The following TBCA variants were observed in gnomAD, a reference collection of about 807,000 sequenced individuals.
TBCA encodes tubulin-specific chaperone A.
In TBCA, 6 loss-of-function variants were observed where a neutral mutation model predicts 15.8. That is an observed-to-expected ratio of 0.38 (90% CI 0.21 to 0.75). The LOEUF is 0.75. TBCA is among the 30% of genes least tolerant of loss of function. The pLI, the probability that TBCA is intolerant of heterozygous loss-of-function variation, is 0.46. For missense variants in TBCA, 90 were observed against 131.2 expected (o/e 0.69, Z 1.53); for synonymous variants, 32 against 42.3 (o/e 0.76, Z 0.94).
At chr5:77,728,769 G>A (rs1322973512) in intron 1 of TBCA, among the ~76,000 whole-genome samples, 1 of 152,030 alleles carries the variant, frequency 6.6e-6, no homozygotes, top group Admixed American at 6.5e-5. Flanking sequence ...ACGTCAGGTT[G>A]GAACATAACC....
At chr5:77,720,697 G>C (rs1394085244) in intron 1 of TBCA, among the ~76,000 whole-genome samples, 1 of 152,158 alleles carries the variant, frequency 6.6e-6, no homozygotes, top group Non-Finnish European at 1.5e-5. Flanking sequence ...CTGGGTCAGA[G>C]AGTGAGACTC....
chr5:77,773,050 C>T (rs2112523259), intron 1 of TBCA, among the ~76,000 whole-genome samples: 1 of 152,296 alleles, frequency 6.6e-6, no homozygotes, highest in African/African-American at 2.4e-5. Flanking sequence ...CTACAGCACT[C>T]TGCAACACAC....
intron 1 of TBCA, 94 bp from the exon 2 acceptor site, chr5:77,708,441 T>A (rs1746199163): frequency 1.4e-6 from 1 of 715,664 alleles, no homozygotes; most frequent in African/African-American, 1.8e-5. Context: ...ATATTTAAAA[T>A]ACCAAAGTAG....
chr5:77,749,680 A>T (rs760443417), intron 1 of TBCA, among the ~76,000 whole-genome samples: 6 of 152,348 alleles, frequency 3.9e-5, no homozygotes, highest in Admixed American at 2.0e-4. Flanking sequence ...AAACACACAT[A>T]GTACCCTTTA....
intron 3 of TBCA, chr5:77,692,490 G>T: frequency 1.1e-6 from 1 of 931,304 alleles, no homozygotes; most frequent in East Asian, 1.2e-4. Flanking sequence ...ATTTCACCAT[G>T]TTGGTCAGGC....
intron 1 of TBCA, among the ~76,000 whole-genome samples, chr5:77,734,867 A>G (rs1332034240): frequency 6.6e-6 from 1 of 152,184 alleles, no homozygotes; most frequent in Non-Finnish European, 1.5e-5. Context: ...TTCAGCAACC[A>G]CCATCCTAAT....
chr5:77,714,090 G>A (rs1241407004), intron 1 of TBCA, among the ~76,000 whole-genome samples: 1 of 151,666 alleles, frequency 6.6e-6, no homozygotes, highest in African/African-American at 2.4e-5. Context: ...GGAGGTCAAG[G>A]TGGGAGGATC....
chr5:77,724,267 G>A (rs1746584432), intron 1 of TBCA, among the ~76,000 whole-genome samples: 2 of 151,976 alleles, frequency 1.3e-5, no homozygotes, highest in Non-Finnish European at 2.9e-5. Flanking sequence ...TAGAAAGGAT[G>A]ATCTACTCTC....
intron 1 of TBCA, among the ~76,000 whole-genome samples, chr5:77,720,458 A>G (rs997534557): frequency 6.6e-6 from 1 of 152,204 alleles, no homozygotes; most frequent in Non-Finnish European, 1.5e-5. Context: ...TCTCGCCTGT[A>G]ATCCCAGCAC....
At chr5:77,711,798 CA>C (rs1178885891) in intron 1 of TBCA, among the ~76,000 whole-genome samples, 1 of 152,080 alleles carries the variant, frequency 6.6e-6, no homozygotes, top group Non-Finnish European at 1.5e-5. Context: ...ATGGCTCCAG[CA>C]ACATTAAAGA....
chr5:77,728,094 C>T (rs772223820), intron 1 of TBCA, among the ~76,000 whole-genome samples: 13 of 151,966 alleles, frequency 8.6e-5, no homozygotes, highest in Non-Finnish European at 1.9e-4. Flanking sequence ...CTACCAAGAC[C>T]GTATTTCTAG....
At chr5:77,766,147 A>AATC (rs1317512317) in intron 1 of TBCA, among the ~76,000 whole-genome samples, 1 of 152,138 alleles carries the variant, frequency 6.6e-6, no homozygotes, top group East Asian at 1.9e-4. Context: ...TAATAATAAT[A>AATC]ATAACCTGGA....
chr5:77,765,444 GA>G (rs1345901873), intron 1 of TBCA, among the ~76,000 whole-genome samples: 9 of 152,148 alleles, frequency 5.9e-5, no homozygotes, highest in Admixed American at 5.9e-4. Flanking sequence ...TGGGAACACA[GA>G]AAAGGGGGCA....
chr5:77,704,442 G>A (rs1006361823), intron 2 of TBCA, among the ~76,000 whole-genome samples: 6 of 152,168 alleles, frequency 3.9e-5, no homozygotes, highest in Non-Finnish European at 5.9e-5. Context: ...AGAGCAAAAC[G>A]GATCCAAGTG....
At chr5:77,708,566 A>C (rs1746201906) in intron 1 of TBCA, 2 of 310,122 alleles carry the variant, frequency 6.4e-6, no homozygotes, top group African/African-American at 4.4e-5. Flanking sequence ...AATCTATCAA[A>C]GCATGAAATT....
At chr5:77,767,682 GAC>G (rs1223714301) in intron 1 of TBCA, among the ~76,000 whole-genome samples, 1 of 152,128 alleles carries the variant, frequency 6.6e-6, no homozygotes, top group Non-Finnish European at 1.5e-5. Flanking sequence ...TCCCTCCACA[GAC>G]AATCAGTGAA....
In TBCA at chr5:77,737,671, A is replaced by C. The variant is rs544175354; in HGVS notation, c.54-29324T>G. 6.6e-5 allele frequency among the ~76,000 whole-genome samples: 10 copies of C among 152,338 alleles called. No homozygotes were observed. The East Asian group carries it at 9.6e-4, about 15-fold the overall frequency. On this transcript the variant is annotated intron_variant, in intron 1 of 3. Coordinates refer to ENST00000380377, the MANE Select transcript of TBCA (RefSeq NM_004607.3). ...AATGGAAAGGAAGAAATACATTTTA[A>C]ATTCATCTTATTAATAGAGGAAATT...
At position 77,762,429 on chromosome 5, in the gene TBCA, A is replaced by G. The variant is rs192698878; in HGVS notation, c.53+13776T>C. On this transcript the variant is annotated intron_variant, in intron 1 of 3. Transcript: ENST00000380377. ...GAAAATAGTACTTTTTAATTGTGGT[A>G]GTAGTGCTGAGGACAAGCAGAGAAG... 2.5e-4 allele frequency among the ~76,000 whole-genome samples: 38 copies of G among 152,282 alleles called. No homozygotes were observed. In the East Asian group the frequency reaches 7.2e-3, roughly 29 times the overall value.
At chr5:77,737,812 T>G (rs985628529) in intron 1 of TBCA, among the ~76,000 whole-genome samples, 1 of 111,446 alleles carries the variant, frequency 9.0e-6, no homozygotes, top group Admixed American at 8.4e-5. Flanking sequence ...TCCAGCACTT[T>G]AACTATCAAT....
Sources: allele counts gnomAD v4.1 joint callset (sites outside exome capture counted in the v4.1 genomes callset), GRCh38; gene constraint gnomAD v4.1.1; transcripts MANE v1.5; gene names NCBI Gene and HGNC (gene_info 2026-07-23, HGNC 2026-07-21).